Variants in FHIT observed in about 807,000 individuals in gnomAD.
FHIT encodes bis(5'-adenosyl)-triphosphatase.
A neutral mutation model predicts 17.9 loss-of-function variants in FHIT; 19 were observed. The observed-to-expected ratio is 1.06, with a 90% confidence interval of 0.74 to 1.56. The LOEUF (loss-of-function observed/expected upper bound fraction) is 1.56, where lower values mean the gene tolerates loss of function less well. Ranked by LOEUF, FHIT falls within the 40% of genes most tolerant of loss-of-function variation. The pLI is 0.00. For synonymous variants in FHIT, 81 were observed against 69.7 expected (o/e 1.16, Z -0.81); for missense variants, 248 against 189.2 (o/e 1.31, Z -1.82).
intron 4 of FHIT, among the ~76,000 whole-genome samples, chr3:60,728,016 A>T (rs969721086): frequency 6.6e-6 from 1 of 152,238 alleles, no homozygotes; most frequent in Non-Finnish European, 1.5e-5. Context: ...AAATAAATAA[A>T]TAAAATAAAA....
intron 5 of FHIT, among the ~76,000 whole-genome samples, chr3:60,164,967 C>G (rs1701106172): frequency 6.6e-6 from 1 of 152,154 alleles, no homozygotes. Context: ...TGAAATGCCA[C>G]AGAGAGTCAC....
intron 8 of FHIT, among the ~76,000 whole-genome samples, chr3:59,873,724 G>A (rs542423886): frequency 6.6e-6 from 1 of 152,170 alleles, no homozygotes; most frequent in African/African-American, 2.4e-5. Flanking sequence ...TGCCCCGGGG[G>A]AGAAGAGTCG....
chr3:60,560,514 A>G (rs1054795567), intron 4 of FHIT, among the ~76,000 whole-genome samples: 1 of 152,088 alleles, frequency 6.6e-6, no homozygotes, highest in East Asian at 1.9e-4. Context: ...GGCTTGGTTC[A>G]GGCCAAAACC....
chr3:60,521,508 A>T (rs980088964), intron 5 of FHIT, among the ~76,000 whole-genome samples: 3 of 152,104 alleles, frequency 2.0e-5, no homozygotes, highest in East Asian at 3.9e-4. Context: ...CGGCCTCCCA[A>T]AGTGCTGGGA....
intron 1 of FHIT, among the ~76,000 whole-genome samples, chr3:61,240,110 G>C (rs1195865639): frequency 6.6e-6 from 1 of 152,112 alleles, no homozygotes; most frequent in African/African-American, 2.4e-5. Flanking sequence ...TTAGTTTAGA[G>C]GAAGCTTTAT....
intron 4 of FHIT, among the ~76,000 whole-genome samples, chr3:60,571,335 C>CAAAAA (rs56094072): frequency 0.011 from 624 of 54,598 alleles, 55 homozygotes; most frequent in Middle Eastern, 0.026. Context: ...GACTCCATCG[C>CAAAAA]AAAAAAAAAA....
chr3:60,671,611 A>G (rs1426336878), intron 4 of FHIT, among the ~76,000 whole-genome samples: 2 of 152,114 alleles, frequency 1.3e-5, no homozygotes, highest in African/African-American at 4.8e-5. Flanking sequence ...TGATTCCTAT[A>G]TCTGAAAGTT....
At chr3:60,482,421 A>C (rs1470258284) in intron 5 of FHIT, among the ~76,000 whole-genome samples, 9 of 152,202 alleles carry the variant, frequency 5.9e-5, no homozygotes. Flanking sequence ...AATCGACCAC[A>C]TAATTTGAAG....
intron 5 of FHIT, among the ~76,000 whole-genome samples, chr3:60,211,794 GA>G (rs770446010): frequency 9.2e-5 from 14 of 152,128 alleles, no homozygotes; most frequent in Non-Finnish European, 1.8e-4. Flanking sequence ...TCTGACTGGG[GA>G]AAACCACTCT....
intron 3 of FHIT, among the ~76,000 whole-genome samples, chr3:61,030,094 C>T (rs948380964): frequency 1.3e-5 from 2 of 152,120 alleles, no homozygotes; most frequent in Non-Finnish European, 2.9e-5. Flanking sequence ...CTCAGCCTCC[C>T]GATTAGCTGG....
At chr3:59,804,756 C>T (rs1208974762) in intron 8 of FHIT, among the ~76,000 whole-genome samples, 3 of 152,234 alleles carry the variant, frequency 2.0e-5, no homozygotes, top group African/African-American at 7.2e-5. Context: ...TTTCCTGTCT[C>T]ACTGCCACTT....
In FHIT at chr3:59,747,962, A is replaced by G. The variant is rs1700693771; in HGVS notation, c.*1623T>C. On this transcript the variant is annotated 3_prime_UTR_variant, in exon 10 of 10. Coordinates refer to ENST00000492590, the MANE Select transcript of FHIT (RefSeq NM_002012.4). ...TTAAGTGATCTACATTGAATCTCTC[A>G]GTAGGTTATTCTCTTTAATCCTTCT... 1.3e-5 allele frequency among the ~76,000 whole-genome samples: 2 copies of G among 152,146 alleles called. No individual in the cohort carries two copies. The highest frequency in any genetic ancestry group is 2.9e-5 in the Non-Finnish European group (2 of 68,024).
chr3:59,847,269 C>A (rs184419376), intron 8 of FHIT, among the ~76,000 whole-genome samples: 1 of 152,170 alleles, frequency 6.6e-6, no homozygotes, highest in East Asian at 1.9e-4. Context: ...GTTCATCTTT[C>A]TTCAACTTTT....
At chr3:60,961,129 A>C (rs1036070663) in intron 3 of FHIT, among the ~76,000 whole-genome samples, 26 of 152,210 alleles carry the variant, frequency 1.7e-4, no homozygotes, top group African/African-American at 6.3e-4. Flanking sequence ...GCCATTCTAA[A>C]TGGTGTGAGA....
chr3:61,118,666 A>G (rs2106913942), intron 2 of FHIT, among the ~76,000 whole-genome samples: 1 of 152,268 alleles, frequency 6.6e-6, no homozygotes, highest in South Asian at 2.1e-4. Context: ...AACTTTGAGC[A>G]TGTAACTTAG....
intron 7 of FHIT, among the ~76,000 whole-genome samples, chr3:59,952,274 T>C (rs1012284844): frequency 7.2e-5 from 11 of 152,214 alleles, no homozygotes; most frequent in Admixed American, 6.5e-4. Flanking sequence ...AGTTTGTCTA[T>C]AAGACCACCC....
At chr3:60,669,396 G>C (rs1377206120) in intron 4 of FHIT, among the ~76,000 whole-genome samples, 6 of 152,136 alleles carry the variant, frequency 3.9e-5, no homozygotes, top group Non-Finnish European at 7.3e-5. Context: ...TCATTTTTCT[G>C]CTTTCAGCAG....
chr3:60,689,818 T>C (rs567811438), intron 4 of FHIT, among the ~76,000 whole-genome samples: 1 of 152,308 alleles, frequency 6.6e-6, no homozygotes, highest in Admixed American at 6.5e-5. Flanking sequence ...GTGTTAAATA[T>C]TAAGGTATTA....
intron 5 of FHIT, among the ~76,000 whole-genome samples, chr3:60,410,247 T>C (rs1702014286): frequency 6.6e-6 from 1 of 151,982 alleles, no homozygotes; most frequent in Non-Finnish European, 1.5e-5. Flanking sequence ...TAGGAATAGA[T>C]GAGCAAGTTA....
Sources: allele counts gnomAD v4.1 joint callset (sites outside exome capture counted in the v4.1 genomes callset), GRCh38; gene constraint gnomAD v4.1.1; transcripts MANE v1.5; gene names NCBI Gene and HGNC (gene_info 2026-07-23, HGNC 2026-07-21).